The following FAM120A variants were observed in gnomAD, a reference collection of about 807,000 sequenced individuals.
The protein encoded by FAM120A is family with sequence similarity 120 member A.
A neutral mutation model predicts 109.7 loss-of-function variants in FAM120A; 15 were observed. That is an observed-to-expected ratio of 0.14 (90% CI 0.09 to 0.21). The LOEUF is 0.21. Ranked by LOEUF, FAM120A falls within the 10% of genes least tolerant of loss-of-function variation. The pLI is 1.00. For missense variants in FAM120A, 899 were observed against 1,439.3 expected (o/e 0.62, Z 6.07); for synonymous variants, 493 against 572.8 (o/e 0.86, Z 1.99).
intron 5 of FAM120A, among the ~76,000 whole-genome samples, chr9:93,502,245 AATC>A (rs146719486): frequency 0.014 from 2,137 of 152,284 alleles, 54 homozygotes; most frequent in African/African-American, 0.048. Flanking sequence ...ATTTTAGGGT[AATC>A]ATATTATAAG....
At chr9:93,535,838 A>G (rs933008301) in intron 10 of FAM120A, among the ~76,000 whole-genome samples, 1 of 152,234 alleles carries the variant, frequency 6.6e-6, no homozygotes, top group Non-Finnish European at 1.5e-5. Context: ...CTCAAAACCA[A>G]CCTTGTTTGA....
chr9:93,490,702 G>A (rs1426855755), intron 3 of FAM120A, among the ~76,000 whole-genome samples: 1 of 152,166 alleles, frequency 6.6e-6, no homozygotes, highest in African/African-American at 2.4e-5. Context: ...TTTAGCAGGG[G>A]CTAAATTATT....
At chr9:93,490,188 C>T (rs1044655385) in intron 3 of FAM120A, among the ~76,000 whole-genome samples, 1 of 152,230 alleles carries the variant, frequency 6.6e-6, no homozygotes, top group Admixed American at 6.5e-5. Flanking sequence ...TTCCCCTTCA[C>T]TGTTTTCCAC....
chr9:93,498,777 G>T lies in FAM120A; in HGVS notation c.934-13G>T. ...CACACTAATTTATGAAGGTTTTCCTGCCTTTATTTCAGTCTAGAACAGATG... is the reference window on the plus strand; with the variant it reads ...CACACTAATTTATGAAGGTTTTCCTTCCTTTATTTCAGTCTAGAACAGATG... On this transcript the variant is annotated splice_polypyrimidine_tract_variant and intron_variant, in intron 4 of 17. Coordinates refer to ENST00000277165, the MANE Select transcript of FAM120A (RefSeq NM_014612.5). This position sits in a 1 kb window ranked among gnomAD's most constrained non-coding sequence, Gnocchi z 4.4. The T allele has an allele frequency of 6.5e-7, 1 of 1,538,918 alleles. No homozygotes were observed. The highest frequency in any genetic ancestry group is 2.2e-5 in the East Asian group (1 of 44,512).
chr9:93,564,211 G>A lies in FAM120A; in HGVS notation c.3046-18G>A, dbSNP rs1862564286. 3.8e-6 allele frequency: 6 copies of A among 1,588,516 alleles called. No homozygotes were observed. The South Asian group carries it at 6.6e-5, about 18-fold the overall frequency. ...ATCAGAAACCACCTTCTCATTTGTT[G>A]TCCTTCATTTTAAACAGGGCAGACC... On this transcript the variant is annotated intron_variant, in intron 17 of 17. Transcript: ENST00000277165.
intron 3 of FAM120A, among the ~76,000 whole-genome samples, chr9:93,480,875 T>C (rs1858768838): frequency 6.6e-6 from 1 of 152,220 alleles, no homozygotes; most frequent in Non-Finnish European, 1.5e-5. Flanking sequence ...CCACTGTTTG[T>C]GTTGCTCTGG....
intron 17 of FAM120A, among the ~76,000 whole-genome samples, chr9:93,563,735 AAG>A (rs1245958042): frequency 6.6e-6 from 1 of 152,208 alleles, no homozygotes; most frequent in Non-Finnish European, 1.5e-5. Flanking sequence ...ACCCATTCAG[AAG>A]AGTTATTTCA....
chr9:93,493,495 A>G (rs1859426559), intron 3 of FAM120A, among the ~76,000 whole-genome samples: 1 of 152,260 alleles, frequency 6.6e-6, no homozygotes, highest in Non-Finnish European at 1.5e-5. Flanking sequence ...TTTGATAAAC[A>G]GTACCTTACA....
chr9:93,503,001 A>G (rs1859872269), intron 5 of FAM120A, among the ~76,000 whole-genome samples: 1 of 152,236 alleles, frequency 6.6e-6, no homozygotes, highest in South Asian at 2.1e-4. Context: ...TTGAGGCTGA[A>G]GAAGTAGCCA....
At chr9:93,523,283 T>C (rs1860920240) in intron 7 of FAM120A, 3 of 1,287,834 alleles carry the variant, frequency 2.3e-6, no homozygotes, top group Non-Finnish European at 3.0e-6. Context: ...CTTTAAGGCC[T>C]TTCCAACTCT....
chr9:93,473,323 T>G (rs1163755437), intron 2 of FAM120A, among the ~76,000 whole-genome samples: 2 of 152,030 alleles, frequency 1.3e-5, no homozygotes, highest in African/African-American at 2.4e-5. Flanking sequence ...TTTTTGTTGT[T>G]GAAACAGGTT....
At chr9:93,484,731 G>C (rs1443769496) in intron 3 of FAM120A, among the ~76,000 whole-genome samples, 1 of 152,028 alleles carries the variant, frequency 6.6e-6, no homozygotes, top group African/African-American at 2.4e-5. Context: ...GTGCCACCAC[G>C]CCTGGCTGAT....
chr9:93,527,614 AT>A lies in FAM120A; in HGVS notation c.1506+398del, dbSNP rs67894788. Among the ~76,000 whole-genome samples, 556 of 80,640 alleles carry A rather than the reference AT, an allele frequency of 6.9e-3. 1 individual carries two copies. Among genetic ancestry groups the A allele is most frequent in the African/African-American group, 0.021 (500 of 23,582 alleles). The allele number at this position is 80,640 out of a possible 152,430, so 52.9% of individuals were successfully genotyped here. ...CTTTTTAAAAAAATTTTTGTATTTA[AT>A]TTTTTTTTTTTTTTTTTTTTTTTTT... On this transcript the variant is annotated intron_variant, in intron 8 of 17. Transcript: ENST00000277165.
intron 9 of FAM120A, chr9:93,531,041 G>C (rs974152385): frequency 6.6e-6 from 1 of 152,182 alleles, no homozygotes; most frequent in Non-Finnish European, 1.5e-5. Context: ...ATTTTAAAAT[G>C]CTACTTAAGT....
At position 93,556,576 on chromosome 9, in the gene FAM120A, C is replaced by T; in HGVS notation, c.2469C>T (p.Asp823=). ...KASREKTPLI[D]LCDGQADQAA... Reference sequence around the variant, plus strand: ...GCCGGGAAAAGACCCCACTCATTGACCTCTGTGATGGTCAGGTATGCTGCG... The same window carrying T: ...GCCGGGAAAAGACCCCACTCATTGATCTCTGTGATGGTCAGGTATGCTGCG... Residue 823 remains aspartate (D), a synonymous_variant, in exon 13 of 18, where the codon GAC becomes GAT. Transcript: ENST00000277165. The T allele has an allele frequency of 3.1e-6, 5 of 1,614,204 alleles. No individual in the cohort carries two copies. In the South Asian group the frequency reaches 4.4e-5, roughly 14 times the overall value.
intron 3 of FAM120A, among the ~76,000 whole-genome samples, chr9:93,482,331 G>A (rs981613427): frequency 6.6e-6 from 1 of 151,868 alleles, no homozygotes; most frequent in Non-Finnish European, 1.5e-5. Flanking sequence ...GGGACTACAG[G>A]TACACGCTGT....
At chr9:93,550,805 C>T in intron 12 of FAM120A, 114 bp downstream of exon 12, 1 of 690,650 alleles carries the variant, frequency 1.4e-6, no homozygotes, top group South Asian at 1.7e-5. Flanking sequence ...TTGCTTTAGT[C>T]CACTAAACTA....
chr9:93,540,213 G>A (rs1334445242), intron 10 of FAM120A, among the ~76,000 whole-genome samples: 1 of 152,198 alleles, frequency 6.6e-6, no homozygotes, highest in African/African-American at 2.4e-5. Context: ...CTGGCACACA[G>A]TAGATGTTCC....
chr9:93,468,554 C>T (rs1415089155), intron 1 of FAM120A, among the ~76,000 whole-genome samples: 2 of 152,194 alleles, frequency 1.3e-5, no homozygotes, highest in Admixed American at 1.3e-4. Context: ...TTCCACCACT[C>T]TGATTACAAC....
Sources: allele counts gnomAD v4.1 joint callset (sites outside exome capture counted in the v4.1 genomes callset), GRCh38; gene constraint gnomAD v4.1.1; non-coding constraint Gnocchi (gnomAD v3.1); transcripts MANE v1.5; gene names NCBI Gene and HGNC (gene_info 2026-07-23, HGNC 2026-07-21).